Variants in PHF24 observed in about 807,000 individuals in gnomAD.
PHF24 encodes the protein PHD finger protein 24.
Under a neutral mutation model 42.6 loss-of-function variants are expected in PHF24, and 25 were observed. The observed-to-expected ratio is 0.59, with a 90% CI of 0.43 to 0.82. The LOEUF (loss-of-function observed/expected upper bound fraction) is 0.82, where lower values mean the gene tolerates loss of function less well. PHF24 is among the 40% of genes least tolerant of loss of function. The pLI is 0.00. For missense variants in PHF24, 470 were observed against 538.1 expected (o/e 0.87, Z 1.25); for synonymous variants, 185 against 204.8 (o/e 0.90, Z 0.83).
chr9:34,857,572 C>T, the PHF24 span, among the ~76,000 whole-genome samples: 1 of 152,208 alleles, frequency 6.6e-6, no homozygotes, highest in African/African-American at 2.4e-5. Context: ...CCATGCCACT[C>T]CTGGGTGGTT....
chr9:34,780,490 G>T, the PHF24 span, among the ~76,000 whole-genome samples: 2 of 151,574 alleles, frequency 1.3e-5, no homozygotes, highest in African/African-American at 4.8e-5. Flanking sequence ...TCACCATGTT[G>T]CCCAGGCTGG....
At chr9:34,667,911 G>A in the PHF24 span, among the ~76,000 whole-genome samples, 3 of 152,150 alleles carry the variant, frequency 2.0e-5, no homozygotes, top group Non-Finnish European at 4.4e-5. Context: ...GATTGGGCAA[G>A]GAGAAGTGAA....
chr9:34,922,987 G>C, the PHF24 span: 9 of 967,068 alleles, frequency 9.3e-6, no homozygotes, highest in Non-Finnish European at 1.3e-5. Context: ...TACCTGGGGG[G>C]TGCTGCTGGG....
chr9:34,828,529 T>C, the PHF24 span, among the ~76,000 whole-genome samples: 7 of 152,226 alleles, frequency 4.6e-5, no homozygotes, highest in Admixed American at 4.6e-4. Flanking sequence ...GAATACGTGA[T>C]TATACTTGCT....
chr9:34,839,343 A>G, the PHF24 span, among the ~76,000 whole-genome samples: 8 of 152,122 alleles, frequency 5.3e-5, no homozygotes, highest in Non-Finnish European at 1.2e-4. Context: ...CTCTGGATGT[A>G]TTCTGTTTGC....
At chr9:34,766,150 A>G in the PHF24 span, among the ~76,000 whole-genome samples, 1 of 152,062 alleles carries the variant, frequency 6.6e-6, no homozygotes, top group East Asian at 1.9e-4. Context: ...CCTTCATTTC[A>G]ACTTTGGTGA....
At chr9:34,773,757 T>C in the PHF24 span, among the ~76,000 whole-genome samples, 1 of 152,168 alleles carries the variant, frequency 6.6e-6, no homozygotes, top group Non-Finnish European at 1.5e-5. Context: ...CAAATTCCAG[T>C]AGAGGAGCCT....
the PHF24 span, among the ~76,000 whole-genome samples, chr9:34,863,412 C>T: frequency 1.1e-4 from 10 of 91,686 alleles, no homozygotes; most frequent in African/African-American, 3.9e-4. Context: ...CCAGCTGGCT[C>T]ATCAGAGAGA....
chr9:34,767,656 C>G, the PHF24 span, among the ~76,000 whole-genome samples: 2 of 152,220 alleles, frequency 1.3e-5, no homozygotes, highest in African/African-American at 2.4e-5. Context: ...CTTGCGCTTC[C>G]GGAGTGAGGC....
At chr9:34,918,668 T>C in the PHF24 span, among the ~76,000 whole-genome samples, 1 of 152,226 alleles carries the variant, frequency 6.6e-6, no homozygotes, top group Non-Finnish European at 1.5e-5. Context: ...ATATTTCTAA[T>C]GTTTTAAATT....
chr9:34,774,099 A>C, the PHF24 span, among the ~76,000 whole-genome samples: 1 of 152,228 alleles, frequency 6.6e-6, no homozygotes, highest in Admixed American at 6.5e-5. Flanking sequence ...AAATTAACTC[A>C]AAATGAGTCA....
At chr9:34,814,730 C>T in the PHF24 span, among the ~76,000 whole-genome samples, 2 of 152,140 alleles carry the variant, frequency 1.3e-5, no homozygotes, top group Non-Finnish European at 1.5e-5. Context: ...CAAATAAAAT[C>T]GCAGATCCTG....
At chr9:34,706,473 G>T in the PHF24 span, among the ~76,000 whole-genome samples, 4 of 152,138 alleles carry the variant, frequency 2.6e-5, no homozygotes, top group Admixed American at 6.6e-5. Context: ...GGTACTTTTG[G>T]ATATATTTTT....
chr9:34,691,776 C>T, the PHF24 span, among the ~76,000 whole-genome samples: 1 of 152,174 alleles, frequency 6.6e-6, no homozygotes, highest in African/African-American at 2.4e-5. Flanking sequence ...CAGTCCTTCC[C>T]TTGGGGCAAG....
the PHF24 span, among the ~76,000 whole-genome samples, chr9:34,677,273 C>T: frequency 2.6e-5 from 4 of 152,122 alleles, no homozygotes; most frequent in Middle Eastern, 3.2e-3. Flanking sequence ...TTCCAACTGC[C>T]ACCACCTAGG....
chr9:34,776,916 GAC>G, the PHF24 span, among the ~76,000 whole-genome samples: 7 of 152,178 alleles, frequency 4.6e-5, no homozygotes, highest in African/African-American at 9.7e-5. Context: ...TTGGTTTGAT[GAC>G]ACACTATGGC....
At chr9:34,849,536 G>A in the PHF24 span, among the ~76,000 whole-genome samples, 1 of 152,002 alleles carries the variant, frequency 6.6e-6, no homozygotes, top group Non-Finnish European at 1.5e-5. Flanking sequence ...GCACACTGAT[G>A]GGTCTTGATT....
chr9:34,701,354 A>G, the PHF24 span, among the ~76,000 whole-genome samples: 1 of 152,002 alleles, frequency 6.6e-6, no homozygotes, highest in Non-Finnish European at 1.5e-5. The surrounding 1 kb of genome is among the most constrained non-coding windows in gnomAD (Gnocchi z 5.8). Flanking sequence ...GCGTATCCCG[A>G]ACTGTGTCTG....
the PHF24 span, chr9:34,709,243 G>T: frequency 4.3e-6 from 4 of 937,950 alleles, no homozygotes; most frequent in Non-Finnish European, 6.7e-6. Context: ...TGCAGATGGG[G>T]TGGTTAAAGC....
Sources: allele counts gnomAD v4.1 joint callset (sites outside exome capture counted in the v4.1 genomes callset), GRCh38; gene constraint gnomAD v4.1.1; non-coding constraint Gnocchi (gnomAD v3.1); transcripts MANE v1.5; gene names NCBI Gene and HGNC (gene_info 2026-07-23, HGNC 2026-07-21).